Variants in UBE2V2 observed in about 807,000 individuals in gnomAD.
UBE2V2 encodes ubiquitin-conjugating enzyme E2 variant 2.
In UBE2V2, 9 loss-of-function variants were observed where a neutral mutation model predicts 17.2. The ratio of observed to expected loss-of-function variants is 0.52; its 90% CI spans 0.32 to 0.91. The LOEUF (loss-of-function observed/expected upper bound fraction) is 0.91. Ranked by LOEUF, UBE2V2 falls within the 40% of genes least tolerant of loss-of-function variation. The pLI, the probability that UBE2V2 is intolerant of heterozygous loss-of-function variation, is 0.04. For synonymous variants in UBE2V2, 61 were observed against 57.5 expected (o/e 1.06, Z -0.28); for missense variants, 133 against 182.6 (o/e 0.73, Z 1.56).
rs188200903 is a variant in UBE2V2, at chr8:48,017,846, C to T, written c.16+9376C>T. 9.4e-3 allele frequency among the ~76,000 whole-genome samples: 1,261 copies of T among 134,606 alleles called. 10 individuals carry two copies. Among genetic ancestry groups the T allele is most frequent in the Non-Finnish European group, 0.016 (977 of 62,762 alleles). 88.3% of individuals were successfully genotyped at this position (134,606 alleles called of 152,430 possible). On this transcript the variant is annotated intron_variant, in intron 1 of 3. Transcript: ENST00000523111. Reference sequence around the variant, plus strand: ...GTTTTCTAGTAGTTTCATAGATTGCCTTTTTTTTTTTTTTTTTCCTGAGAC... The same window carrying T: ...GTTTTCTAGTAGTTTCATAGATTGCTTTTTTTTTTTTTTTTTTCCTGAGAC...
At chr8:48,018,967 A>G (rs2154506891) in intron 1 of UBE2V2, among the ~76,000 whole-genome samples, 1 of 152,298 alleles carries the variant, frequency 6.6e-6, no homozygotes, top group African/African-American at 2.4e-5. Flanking sequence ...ATAGTGGCTC[A>G]TGCCTGTAAT....
intron 3 of UBE2V2, among the ~76,000 whole-genome samples, chr8:48,052,271 C>G (rs1219001532): frequency 6.6e-6 from 1 of 152,132 alleles, no homozygotes; most frequent in Non-Finnish European, 1.5e-5. Flanking sequence ...TGAAGAAGAC[C>G]TTTGTTAGAT....
chr8:48,021,234 C>T (rs1269578482), intron 1 of UBE2V2, among the ~76,000 whole-genome samples: 2 of 151,038 alleles, frequency 1.3e-5, no homozygotes, highest in Non-Finnish European at 3.0e-5. Context: ...GCCGCCACCA[C>T]GCCCAGCTAA....
At position 48,050,824 on chromosome 8, in the gene UBE2V2, A is replaced by G. The variant is rs182998499; in HGVS notation, c.291+846A>G. The stretch of plus-strand genomic sequence containing the variant: ...ATATTCATGAAGGGTTTTTTTCTTT[A>G]AAGAGCAAATATGTCTGTGTTGAAA... On this transcript the variant is annotated intron_variant, in intron 3 of 3. Coordinates refer to ENST00000523111, the MANE Select transcript of UBE2V2 (RefSeq NM_003350.3). Among the ~76,000 whole-genome samples, 3 of 152,150 alleles carry G rather than the reference A, an allele frequency of 2.0e-5. No individual in the cohort carries two copies. In the East Asian group the frequency reaches 5.8e-4, roughly 29 times the overall value.
chr8:48,058,161 C>G (rs1307566775), intron 3 of UBE2V2, among the ~76,000 whole-genome samples: 1 of 152,050 alleles, frequency 6.6e-6, no homozygotes, highest in Non-Finnish European at 1.5e-5. Context: ...TGACGAAACC[C>G]TGTCTCTATA....
intron 1 of UBE2V2, among the ~76,000 whole-genome samples, chr8:48,031,476 G>A (rs994854748): frequency 6.6e-6 from 1 of 152,066 alleles, no homozygotes; most frequent in African/African-American, 2.4e-5. Flanking sequence ...GTGGCTGGGG[G>A]TAGGGTGGTT....
chr8:48,023,654 T>C (rs2091320153), intron 1 of UBE2V2, among the ~76,000 whole-genome samples: 1 of 151,970 alleles, frequency 6.6e-6, no homozygotes, highest in African/African-American at 2.4e-5. Context: ...GGAGGATCAC[T>C]TGAGGTCAGG....
intron 3 of UBE2V2, among the ~76,000 whole-genome samples, chr8:48,055,766 CTTTTT>C (rs11299073): frequency 8.2e-6 from 1 of 121,578 alleles, no homozygotes. Context: ...CACTTTCTGT[CTTTTT>C]TTTTTTTTTT....
At chr8:47,997,778 C>T in the UBE2V2 span, among the ~76,000 whole-genome samples, 1 of 151,656 alleles carries the variant, frequency 6.6e-6, no homozygotes, top group African/African-American at 2.4e-5. Context: ...GGGGAGGACT[C>T]AGAGTAGGAG....
chr8:48,011,244 T>C lies in UBE2V2; in HGVS notation c.16+2774T>C, dbSNP rs374974535. 5.3e-5 allele frequency among the ~76,000 whole-genome samples: 8 copies of C among 152,312 alleles called. No homozygotes were observed. The South Asian group carries it at 1.5e-3, about 28-fold the overall frequency. On this transcript the variant is annotated intron_variant, in intron 1 of 3. Coordinates refer to ENST00000523111, the MANE Select transcript of UBE2V2 (RefSeq NM_003350.3). ...GTGCAATGGTGCGATCTCGGCTGAC[T>C]GCAGCCTCTTCCTCCTGGGTTTAAG...
intron 1 of UBE2V2, among the ~76,000 whole-genome samples, chr8:48,032,202 T>A (rs62542295): frequency 0.021 from 3,227 of 152,332 alleles, 47 homozygotes; most frequent in Middle Eastern, 0.054. Context: ...TCTCATTTGT[T>A]AACTGAATAC....
At chr8:47,997,609 G>A in the UBE2V2 span, among the ~76,000 whole-genome samples, 30 of 152,208 alleles carry the variant, frequency 2.0e-4, no homozygotes, top group East Asian at 5.8e-3. Context: ...GGGATGGGAG[G>A]ACAAGGACCC....
At chr8:48,052,874 A>G (rs2091548166) in intron 3 of UBE2V2, among the ~76,000 whole-genome samples, 1 of 152,140 alleles carries the variant, frequency 6.6e-6, no homozygotes, top group Non-Finnish European at 1.5e-5. Context: ...CAGTCTGGCT[A>G]ACTCCTATGG....
At chr8:47,999,435 C>A in the UBE2V2 span, among the ~76,000 whole-genome samples, 1 of 151,906 alleles carries the variant, frequency 6.6e-6, no homozygotes, top group Non-Finnish European at 1.5e-5. Flanking sequence ...TGGCTCACTG[C>A]AACCTCTGCC....
At chr8:48,059,105 A>T (rs1479888513) in intron 3 of UBE2V2, among the ~76,000 whole-genome samples, 2 of 151,718 alleles carry the variant, frequency 1.3e-5, no homozygotes, top group Middle Eastern at 3.2e-3. Context: ...TACAAATATT[A>T]TTGTATTTTA....
intron 1 of UBE2V2, among the ~76,000 whole-genome samples, chr8:48,031,500 A>G (rs570113263): frequency 1.4e-4 from 21 of 152,214 alleles, no homozygotes; most frequent in African/African-American, 2.9e-4. Context: ...GTTACAACCT[A>G]AAGAGTAACA....
intron 2 of UBE2V2, among the ~76,000 whole-genome samples, chr8:48,044,448 C>A (rs1202710930): frequency 6.6e-6 from 1 of 152,136 alleles, no homozygotes; most frequent in Non-Finnish European, 1.5e-5. Context: ...TGCACCCAGC[C>A]CCTCCTGATT....
intron 1 of UBE2V2, among the ~76,000 whole-genome samples, chr8:48,020,403 G>A (rs185255446): frequency 6.6e-6 from 1 of 152,180 alleles, no homozygotes; most frequent in Admixed American, 6.6e-5. Flanking sequence ...CAGGTGAGGT[G>A]AGTCTTTTAT....
At chr8:48,022,831 G>A (rs1315657353) in intron 1 of UBE2V2, among the ~76,000 whole-genome samples, 1 of 150,700 alleles carries the variant, frequency 6.6e-6, no homozygotes, top group East Asian at 1.9e-4. Context: ...TTTAAAGAGA[G>A]ACAAGGTCTG....
Sources: gnomAD v4.1 joint callset for allele counts (sites outside exome capture counted in the v4.1 genomes callset) on GRCh38, gnomAD v4.1.1 for gene constraint, MANE v1.5 for transcripts, NCBI Gene and HGNC (gene_info 2026-07-23, HGNC 2026-07-21) for gene names.